FOXP1: variants seen among roughly 807,000 people sequenced by gnomAD.
FOXP1 encodes forkhead box protein P1.
Under a neutral mutation model 98.2 loss-of-function variants are expected in FOXP1, and 15 were observed. The observed-to-expected ratio is 0.15, with a 90% CI of 0.10 to 0.24. FOXP1 has a LOEUF of 0.24. FOXP1 is among the 10% of genes least tolerant of loss of function. The pLI is 1.00. For missense variants in FOXP1, 633 were observed against 848.5 expected, an observed-to-expected ratio of 0.75 and a Z score of 3.15; for synonymous variants, 371 against 314.5, an observed-to-expected ratio of 1.18 and a Z score of -1.90.
intron 3 of FOXP1, among the ~76,000 whole-genome samples, chr3:71,374,211 C>G (rs1335585430): frequency 1.3e-5 from 2 of 152,172 alleles, no homozygotes; most frequent in Non-Finnish European, 2.9e-5. Flanking sequence ...GGAGTAACTT[C>G]CACTGAAACA....
At chr3:70,980,927 T>G (rs1247297164) in intron 14 of FOXP1, among the ~76,000 whole-genome samples, 1 of 152,196 alleles carries the variant, frequency 6.6e-6, no homozygotes, top group Non-Finnish European at 1.5e-5. Context: ...ACACTGTGGC[T>G]TTCTGAAAGA....
chr3:71,140,757 T>G (rs1307895610), intron 6 of FOXP1, among the ~76,000 whole-genome samples: 1 of 151,836 alleles, frequency 6.6e-6, no homozygotes, highest in Admixed American at 6.6e-5. Flanking sequence ...TAAGGGAAAA[T>G]CAGAGAGAGG....
At chr3:71,384,053 C>T (rs1200940963) in intron 3 of FOXP1, among the ~76,000 whole-genome samples, 2 of 152,072 alleles carry the variant, frequency 1.3e-5, no homozygotes, top group African/African-American at 2.4e-5. Context: ...CCTGCCTCTA[C>T]TAAAAATACA....
chr3:71,233,063 T>C (rs1048271640), intron 5 of FOXP1, among the ~76,000 whole-genome samples: 3 of 151,572 alleles, frequency 2.0e-5, no homozygotes, highest in African/African-American at 7.3e-5. Flanking sequence ...GAGGATCGTT[T>C]GAACCCAGGA....
chr3:71,530,601 A>G (rs1034573053), intron 2 of FOXP1, among the ~76,000 whole-genome samples: 4 of 152,200 alleles, frequency 2.6e-5, no homozygotes, highest in African/African-American at 9.7e-5. Context: ...CCCTATCTGA[A>G]GGGGAACTGA....
Position 71,253,992 on chromosome 3 carries a change from A to G in FOXP1, c.-12+45828T>C, listed in dbSNP as rs1046604348. 2.0e-5 allele frequency among the ~76,000 whole-genome samples: 3 copies of G among 152,302 alleles called. No individual in the cohort carries two copies. In the South Asian group the frequency reaches 6.2e-4, roughly 32 times the overall value. On this transcript the variant is annotated intron_variant, in intron 5 of 20. Transcript: ENST00000649528. ...GAACATGTACACCTTACAAATTTGG[A>G]GGAAAAGACATTACTTTGCAAAAGA...
intron 6 of FOXP1, among the ~76,000 whole-genome samples, chr3:71,181,003 G>T (rs905053593): frequency 6.6e-6 from 1 of 152,318 alleles, no homozygotes; most frequent in African/African-American, 2.4e-5. Context: ...ACAAGAACCG[G>T]TTCCCTGCAG....
intron 6 of FOXP1, among the ~76,000 whole-genome samples, chr3:71,182,323 T>C (rs1560076629): frequency 6.6e-6 from 1 of 152,104 alleles, no homozygotes; most frequent in Non-Finnish European, 1.5e-5. Flanking sequence ...AAAAAATAAA[T>C]CTTGTTCAAG....
intron 14 of FOXP1, among the ~76,000 whole-genome samples, chr3:70,986,297 C>T (rs532043625): frequency 5.3e-5 from 8 of 152,280 alleles, no homozygotes; most frequent in African/African-American, 9.6e-5. Context: ...ACTCGCCAAG[C>T]GCCCTACGGG....
intron 4 of FOXP1, among the ~76,000 whole-genome samples, chr3:71,327,830 CTTTT>C (rs1389118930): frequency 1.3e-5 from 2 of 152,170 alleles, no homozygotes; most frequent in Non-Finnish European, 2.9e-5. Flanking sequence ...CTAACTCACT[CTTTT>C]TGCTTATTAT....
intron 13 of FOXP1, among the ~76,000 whole-genome samples, chr3:70,993,368 G>A (rs538195405): frequency 3.9e-5 from 6 of 152,262 alleles, no homozygotes; most frequent in South Asian, 2.1e-4. Context: ...CAGTTCCTGC[G>A]TAGAGCCCAG....
At chr3:71,420,376 G>T (rs573379674) in intron 3 of FOXP1, among the ~76,000 whole-genome samples, 13 of 152,262 alleles carry the variant, frequency 8.5e-5, no homozygotes, top group Admixed American at 7.8e-4. Flanking sequence ...TAGCAGGAAG[G>T]TGGCATGATT....
chr3:71,029,892 C>T (rs1397855271), intron 11 of FOXP1, among the ~76,000 whole-genome samples: 1 of 152,078 alleles, frequency 6.6e-6, no homozygotes, highest in Non-Finnish European at 1.5e-5. Flanking sequence ...ATGCTCAATA[C>T]GTGTGGTATG....
chr3:71,580,880 C>A, intron 2 of FOXP1: 1 of 985,292 alleles, frequency 1.0e-6, no homozygotes. Flanking sequence ...CCAGAATGCT[C>A]CTCCGGCATT....
At chr3:71,298,211 A>C (rs1448573891) in intron 5 of FOXP1, among the ~76,000 whole-genome samples, 2 of 152,202 alleles carry the variant, frequency 1.3e-5, no homozygotes, top group Non-Finnish European at 2.9e-5. Flanking sequence ...TCACGCCTGT[A>C]ATCCCAACAC....
intron 20 of FOXP1, among the ~76,000 whole-genome samples, chr3:70,961,493 A>C (rs1358915508): frequency 6.6e-6 from 1 of 152,140 alleles, no homozygotes; most frequent in Admixed American, 6.5e-5. Flanking sequence ...GGCCTCCCAA[A>C]CTGCTGGGAT....
chr3:71,510,039 C>T (rs758107099), intron 2 of FOXP1, among the ~76,000 whole-genome samples: 7 of 151,848 alleles, frequency 4.6e-5, no homozygotes, highest in Non-Finnish European at 7.4e-5. Context: ...ATTAGCCAGG[C>T]GTGTGGTGGC....
At chr3:71,173,308 T>C (rs1012893250) in intron 6 of FOXP1, among the ~76,000 whole-genome samples, 2 of 151,404 alleles carry the variant, frequency 1.3e-5, no homozygotes, top group African/African-American at 2.4e-5. Context: ...TCACCATCAC[T>C]ACCCAATCAG....
intron 3 of FOXP1, among the ~76,000 whole-genome samples, chr3:71,414,460 C>T (rs1255238419): frequency 6.6e-6 from 1 of 152,230 alleles, no homozygotes; most frequent in East Asian, 1.9e-4. Flanking sequence ...CACACCCACA[C>T]AGCAGGGGAT....
Sources: gnomAD v4.1 joint callset for allele counts (sites outside exome capture counted in the v4.1 genomes callset) on GRCh38, gnomAD v4.1.1 for gene constraint, MANE v1.5 for transcripts, NCBI Gene and HGNC (gene_info 2026-07-23, HGNC 2026-07-21) for gene names.